The following BTBD8 variants were observed in gnomAD, a reference collection of about 807,000 sequenced individuals.
BTBD8 encodes the protein BTB/POZ domain-containing protein 8.
A neutral mutation model predicts 162.9 loss-of-function variants in BTBD8; 110 were observed. That is an observed-to-expected ratio of 0.68 (90% CI 0.58 to 0.79). The LOEUF is 0.79. Among genes scored for constraint, BTBD8 ranks in the 30% least tolerant of loss-of-function variants. The probability of loss-of-function intolerance (pLI) is 0.00; values close to 1 mark genes in which losing one functional copy is unlikely to be tolerated. For missense variants in BTBD8, 1,905 were observed against 2,085.4 expected (o/e 0.91, Z 1.68); for synonymous variants, 667 against 716.1 (o/e 0.93, Z 1.10).
intron 5 of BTBD8, among the ~76,000 whole-genome samples, chr1:92,133,560 C>A (rs748185288): frequency 3.9e-5 from 6 of 152,214 alleles, no homozygotes; most frequent in Admixed American, 1.3e-4. Flanking sequence ...TCTGTCCTTA[C>A]AGAAGGAACC....
Position 92,176,955 on chromosome 1 carries a change from G to T in BTBD8, c.1762G>T (p.Gly588Ter). ...KMKSDGLGAS[G>*]HSSSTNRNSI... ...GAAATCTGATGGATTAGGAGCATCT[G>T]GACATTCGTCAAGTACCAATAGAAA... The change falls in exon 14 of 18, where the codon GGA becomes TGA. Residue 588 changes from glycine (G) to a stop codon, truncating the protein, a stop_gained. Transcript: ENST00000636805. LOFTEE classifies it high-confidence loss of function. The T allele has an allele frequency of 6.5e-7, 1 of 1,546,246 alleles. No individual in the cohort carries two copies. The highest frequency in any genetic ancestry group is 1.2e-5 in the South Asian group (1 of 83,362).
At chr1:92,097,347 C>T (rs1185467220) in intron 2 of BTBD8, among the ~76,000 whole-genome samples, 1 of 152,188 alleles carries the variant, frequency 6.6e-6, no homozygotes, top group East Asian at 1.9e-4. Flanking sequence ...ATCTATCACA[C>T]TCTTGCCAAT....
intron 4 of BTBD8, among the ~76,000 whole-genome samples, chr1:92,114,262 C>G (rs2101913275): frequency 6.6e-6 from 1 of 152,044 alleles, no homozygotes; most frequent in Non-Finnish European, 1.5e-5. Flanking sequence ...AAAGAAAAGA[C>G]TGCCATGGAA....
intron 13 of BTBD8, among the ~76,000 whole-genome samples, chr1:92,171,897 C>G (rs1214251057): frequency 6.6e-6 from 1 of 152,082 alleles, no homozygotes; most frequent in African/African-American, 2.4e-5. Flanking sequence ...TCGAGAGCAG[C>G]CAGGCCAACA....
chr1:92,086,488 G>C (rs1648164053), intron 1 of BTBD8, among the ~76,000 whole-genome samples: 1 of 152,092 alleles, frequency 6.6e-6, no homozygotes, highest in Admixed American at 6.6e-5. Context: ...AAAATTATCT[G>C]GGTGTGGTGA....
intron 2 of BTBD8, among the ~76,000 whole-genome samples, chr1:92,094,206 T>C (rs1015242341): frequency 3.5e-4 from 54 of 152,222 alleles, no homozygotes; most frequent in African/African-American, 1.3e-3. Context: ...ATTAGGTTAG[T>C]CGTGTGTGTC....
chr1:92,123,776 C>CA (rs529220915), intron 4 of BTBD8, among the ~76,000 whole-genome samples: 61,136 of 84,380 alleles, frequency 0.72, 21,713 homozygotes, highest in East Asian at 0.94. Flanking sequence ...GACTCCGTCT[C>CA]AAAAAAAAAA....
intron 2 of BTBD8, among the ~76,000 whole-genome samples, chr1:92,098,147 C>T (rs1172635174): frequency 2.6e-5 from 4 of 152,158 alleles, no homozygotes; most frequent in African/African-American, 9.7e-5. Flanking sequence ...ACAGTTTAGA[C>T]ATAGTGAGCC....
intron 4 of BTBD8, among the ~76,000 whole-genome samples, chr1:92,116,179 A>G (rs1280758342): frequency 6.6e-6 from 1 of 152,066 alleles, no homozygotes; most frequent in Non-Finnish European, 1.5e-5. Context: ...TTTCTAGTTT[A>G]ATTCCATGGT....
At chr1:92,092,853 T>C (rs1388417724) in intron 2 of BTBD8, among the ~76,000 whole-genome samples, 2 of 152,230 alleles carry the variant, frequency 1.3e-5, no homozygotes, top group Non-Finnish European at 2.9e-5. Flanking sequence ...TTTAGTTATT[T>C]GCTAACATGG....
At chr1:92,124,608 G>A (rs956190072) in intron 4 of BTBD8, among the ~76,000 whole-genome samples, 7 of 152,210 alleles carry the variant, frequency 4.6e-5, no homozygotes, top group African/African-American at 1.4e-4. Flanking sequence ...AAAGAGTGAG[G>A]GTGAGCGCAG....
chr1:92,093,297 A>G (rs1648363828), intron 2 of BTBD8, among the ~76,000 whole-genome samples: 1 of 151,342 alleles, frequency 6.6e-6, no homozygotes, highest in South Asian at 2.1e-4. Flanking sequence ...GGTTCAAGCA[A>G]TTCTCCAGCC....
chr1:92,130,265 A>G (rs1306993412), intron 5 of BTBD8, among the ~76,000 whole-genome samples: 2 of 152,194 alleles, frequency 1.3e-5, no homozygotes, highest in African/African-American at 2.4e-5. Context: ...CAGAGGCCCC[A>G]TCTCTAAATA....
chr1:92,127,018 C>G (rs1255730366), intron 4 of BTBD8, among the ~76,000 whole-genome samples: 2 of 152,102 alleles, frequency 1.3e-5, no homozygotes, highest in Admixed American at 6.5e-5. Context: ...CTTAAATTAT[C>G]AGTGGGTATG....
rs41286793 is a variant in BTBD8, at chr1:92,184,285, G to T, written c.5334G>T (p.Ser1778=). 15 of 1,551,240 alleles carry T rather than the reference G, an allele frequency of 9.7e-6. No homozygotes were observed. Among genetic ancestry groups the T allele is most frequent in the Non-Finnish European group, 1.2e-5 (14 of 1,146,752 alleles). ...TMASFSSEDC[S]PQGEWTILEL... ...CTAGTTTTTCCTCTGAAGATTGTTC[G>T]CCTCAAGGCGAGTGGACAATTCTGG... is the stretch of plus-strand genomic sequence containing the variant. The change falls in exon 18 of 18, where the codon TCG becomes TCT. Residue 1778 remains serine (S), a synonymous_variant. Coordinates refer to ENST00000636805, the MANE Select transcript of BTBD8 (RefSeq NM_001376131.1).
At chr1:92,114,600 A>G (rs1648985870) in intron 4 of BTBD8, among the ~76,000 whole-genome samples, 5 of 152,094 alleles carry the variant, frequency 3.3e-5, no homozygotes, top group Admixed American at 1.3e-4. Flanking sequence ...TAAAAACTAT[A>G]TAGCAAACTT....
At chr1:92,098,956 G>GA (rs1403140727) in intron 2 of BTBD8, among the ~76,000 whole-genome samples, 1 of 152,060 alleles carries the variant, frequency 6.6e-6, no homozygotes, top group African/African-American at 2.4e-5. Flanking sequence ...TGTGCTTTTG[G>GA]AATCATATCT....
At chr1:92,097,027 C>A (rs770899614) in intron 2 of BTBD8, among the ~76,000 whole-genome samples, 2 of 152,192 alleles carry the variant, frequency 1.3e-5, no homozygotes, top group Non-Finnish European at 2.9e-5. Context: ...CACATACTTG[C>A]ATCTGTACCT....
rs1226398617 is a variant in BTBD8, at chr1:92,141,218, A to T, written c.930+7A>T. On this transcript the variant is annotated splice_region_variant and intron_variant, in intron 7 of 17. Transcript: ENST00000636805. Reference sequence around the variant, plus strand: ...CTGTAATTTCTTTCAGAAGGTAATTATTGAGCCTCAGAAATCTTTTATCCA... The same window carrying T: ...CTGTAATTTCTTTCAGAAGGTAATTTTTGAGCCTCAGAAATCTTTTATCCA... 1 of 1,573,634 alleles carries T rather than the reference A, an allele frequency of 6.4e-7. No homozygotes were observed. Among genetic ancestry groups the T allele is most frequent in the Admixed American group, 1.8e-5 (1 of 55,444 alleles).
Sources: gnomAD v4.1 joint callset for allele counts (sites outside exome capture counted in the v4.1 genomes callset) on GRCh38, gnomAD v4.1.1 for gene constraint, MANE v1.5 for transcripts, NCBI Gene and HGNC (gene_info 2026-07-23, HGNC 2026-07-21) for gene names.